Variants in STK32B observed in about 807,000 individuals in gnomAD.
STK32B encodes the protein serine/threonine-protein kinase 32B.
In STK32B, 43 loss-of-function variants were observed where a neutral mutation model predicts 52.6. The ratio of observed to expected loss-of-function variants is 0.82; its 90% CI spans 0.64 to 1.05. The LOEUF (loss-of-function observed/expected upper bound fraction) is 1.05, where lower values mean the gene tolerates loss of function less well. STK32B is among the 50% of genes least tolerant of loss of function. STK32B has a pLI of 0.00. For missense variants in STK32B, 621 were observed against 534.6 expected (o/e 1.16, Z -1.59); for synonymous variants, 238 against 204.3 (o/e 1.17, Z -1.41).
chr4:5,235,301 G>A (rs1010842664), intron 3 of STK32B, among the ~76,000 whole-genome samples: 1 of 152,190 alleles, frequency 6.6e-6, no homozygotes, highest in Non-Finnish European at 1.5e-5. Flanking sequence ...GTGGTCAAGA[G>A]CATGTTCTCA....
chr4:5,424,339 C>A (rs999231651), intron 6 of STK32B, among the ~76,000 whole-genome samples: 1 of 152,162 alleles, frequency 6.6e-6, no homozygotes, highest in Non-Finnish European at 1.5e-5. Context: ...CCCCATGAAG[C>A]CCCACTTTCA....
At position 5,129,167 on chromosome 4, in the gene STK32B, T is replaced by G. The variant is rs150457998; in HGVS notation, c.53-10738T>G. ...GTGAGCTTTATGGCTTTTATGTTGT[T>G]ACAAGTAACTCCAATCCACTCAGGA... is the stretch of plus-strand genomic sequence containing the variant. On this transcript the variant is annotated intron_variant, in intron 1 of 11. Coordinates refer to ENST00000282908, the MANE Select transcript of STK32B (RefSeq NM_018401.3). Among the ~76,000 whole-genome samples the G allele has an allele frequency of 1.7e-3, 256 of 152,360 alleles. 5 individuals carry two copies. In the East Asian group the frequency reaches 0.026, roughly 15 times the overall value.
rs141923967 is a variant in STK32B, at chr4:5,395,941, G to A, written c.435-2266G>A. 1.2e-4 allele frequency among the ~76,000 whole-genome samples: 18 copies of A among 152,300 alleles called. No individual in the cohort carries two copies. Among genetic ancestry groups the A allele is most frequent in the Non-Finnish European group, 2.4e-4 (16 of 68,038 alleles). Reference sequence around the variant, plus strand: ...GTTCTCAGGATATGAGACAATGTGCGCCGGTGCAATGTGGATGTGGGGGCG... The same window carrying A: ...GTTCTCAGGATATGAGACAATGTGCACCGGTGCAATGTGGATGTGGGGGCG... On this transcript the variant is annotated intron_variant, in intron 4 of 11. Coordinates refer to ENST00000282908, the MANE Select transcript of STK32B (RefSeq NM_018401.3). This position sits in a 1 kb window ranked among gnomAD's most constrained non-coding sequence, Gnocchi z 4.4.
At chr4:5,241,488 C>T (rs776785929) in intron 3 of STK32B, among the ~76,000 whole-genome samples, 2 of 152,144 alleles carry the variant, frequency 1.3e-5, no homozygotes, top group Non-Finnish European at 2.9e-5. Flanking sequence ...CAAGATCATG[C>T]AGGTGGAATC....
chr4:5,410,272 T>C (rs1486087771), intron 5 of STK32B, among the ~76,000 whole-genome samples: 1 of 152,196 alleles, frequency 6.6e-6, no homozygotes, highest in East Asian at 1.9e-4. Context: ...AGCTGCTTCT[T>C]TGAAGCAGCA....
chr4:5,463,502 A>T (rs1286855020), intron 9 of STK32B, among the ~76,000 whole-genome samples: 2 of 152,062 alleles, frequency 1.3e-5, no homozygotes, highest in Non-Finnish European at 2.9e-5. Context: ...ACATAGACAC[A>T]CATGCACACT....
the STK32B span, among the ~76,000 whole-genome samples, chr4:5,034,504 T>C: frequency 6.6e-6 from 1 of 152,184 alleles, no homozygotes; most frequent in Non-Finnish European, 1.5e-5. Flanking sequence ...ATTCTTTCCA[T>C]GGTTTATATA....
At chr4:5,054,998 G>T (rs1741945714) in intron 1 of STK32B, among the ~76,000 whole-genome samples, 1 of 152,120 alleles carries the variant, frequency 6.6e-6, no homozygotes, top group South Asian at 2.1e-4. Flanking sequence ...AATAATGGTG[G>T]CTTTACTGTG....
intron 2 of STK32B, among the ~76,000 whole-genome samples, chr4:5,151,163 C>G (rs1717335570): frequency 6.6e-6 from 1 of 152,180 alleles, no homozygotes; most frequent in Non-Finnish European, 1.5e-5. Flanking sequence ...TTCTTGATGA[C>G]ACGCAAATTC....
intron 2 of STK32B, among the ~76,000 whole-genome samples, chr4:5,158,295 G>T (rs1267187929): frequency 6.6e-6 from 1 of 152,116 alleles, no homozygotes; most frequent in East Asian, 1.9e-4. Flanking sequence ...GGGGGCCAGT[G>T]GCACAGCGCG....
chr4:5,388,530 G>A (rs533308144), intron 4 of STK32B, among the ~76,000 whole-genome samples: 8 of 152,274 alleles, frequency 5.3e-5, no homozygotes, highest in African/African-American at 9.6e-5. Context: ...CTGCAGGACC[G>A]TAGGACCCCA....
intron 3 of STK32B, among the ~76,000 whole-genome samples, chr4:5,204,955 G>A (rs1157303473): frequency 6.6e-6 from 1 of 152,182 alleles, no homozygotes; most frequent in African/African-American, 2.4e-5. Context: ...GTGTCTGTGA[G>A]GGTGTTTCCA....
In STK32B at chr4:5,467,863, C is replaced by A; in HGVS notation, c.1042-143C>A. 1.2e-6 allele frequency: 1 copy of A among 862,494 alleles called. No homozygotes were observed. The highest frequency in any genetic ancestry group is 1.9e-6 in the Non-Finnish European group (1 of 528,406). The allele number at this position is 862,494 out of a possible 1,614,324, so 53.4% of individuals were successfully genotyped here. A position where few individuals can be genotyped will look rare whatever the true frequency, so the allele number is the denominator to read the frequency against. ...CAGCCACCCATGCAGTCAGGGTCAGCCCCAGACACTTAGCTTGGCTTGTCC... is the reference window on the plus strand; with the variant it reads ...CAGCCACCCATGCAGTCAGGGTCAGACCCAGACACTTAGCTTGGCTTGTCC... On this transcript the variant is annotated intron_variant, in intron 10 of 11. Coordinates refer to ENST00000282908, the MANE Select transcript of STK32B (RefSeq NM_018401.3). This position sits in a 1 kb window ranked among gnomAD's most constrained non-coding sequence, Gnocchi z 5.8.
chr4:5,378,529 C>T lies in STK32B; in HGVS notation c.435-19678C>T, dbSNP rs1215456777. ...CCTATGCCCTTTATCTTTCTGTTTTCTTCTTTTTTTGCATTCTATAGTATT... is the reference window on the plus strand; with the variant it reads ...CCTATGCCCTTTATCTTTCTGTTTTTTTCTTTTTTTGCATTCTATAGTATT... On this transcript the variant is annotated intron_variant, in intron 4 of 11. Transcript: ENST00000282908. This position sits in a 1 kb window ranked among gnomAD's most constrained non-coding sequence, Gnocchi z 4.4. Among the ~76,000 whole-genome samples the T allele has an allele frequency of 1.3e-5, 2 of 151,812 alleles. No homozygotes were observed. Among genetic ancestry groups the T allele is most frequent in the Non-Finnish European group, 2.9e-5 (2 of 67,948 alleles).
At chr4:5,426,372 G>T (rs1234496781) in intron 6 of STK32B, among the ~76,000 whole-genome samples, 1 of 152,048 alleles carries the variant, frequency 6.6e-6, no homozygotes, top group Non-Finnish European at 1.5e-5. Flanking sequence ...TATATTTTCT[G>T]TGTGGAATAT....
intron 1 of STK32B, among the ~76,000 whole-genome samples, chr4:5,053,573 A>G (rs186715990): frequency 2.3e-4 from 35 of 152,262 alleles, no homozygotes; most frequent in Non-Finnish European, 4.1e-4. Flanking sequence ...GAAAATATTC[A>G]TTGGCAAAAT....
intron 4 of STK32B, among the ~76,000 whole-genome samples, chr4:5,343,109 C>T (rs1447257466): frequency 7.2e-6 from 1 of 139,674 alleles, no homozygotes; most frequent in African/African-American, 2.6e-5. Flanking sequence ...CCTCCCCCAC[C>T]CCACAACAGG....
At chr4:5,253,176 G>C (rs1046310814) in intron 3 of STK32B, among the ~76,000 whole-genome samples, 12 of 152,066 alleles carry the variant, frequency 7.9e-5, no homozygotes, top group Non-Finnish European at 1.5e-4. Flanking sequence ...CACATGCTCT[G>C]TTGCTTCCTG....
chr4:5,172,948 T>A (rs1719511185), intron 3 of STK32B, among the ~76,000 whole-genome samples: 1 of 152,246 alleles, frequency 6.6e-6, no homozygotes, highest in Non-Finnish European at 1.5e-5. Context: ...CTGGAATTTT[T>A]TTAGTTGGTA....
Sources: gnomAD v4.1 joint callset for allele counts (sites outside exome capture counted in the v4.1 genomes callset) on GRCh38, gnomAD v4.1.1 for gene constraint, Gnocchi (gnomAD v3.1) non-coding constraint, MANE v1.5 for transcripts, NCBI Gene and HGNC (gene_info 2026-07-23, HGNC 2026-07-21) for gene names.